RBMS3: variants seen among roughly 807,000 people sequenced by gnomAD.
The protein encoded by RBMS3 is RNA binding motif single stranded interacting protein 3.
A neutral mutation model predicts 66.8 loss-of-function variants in RBMS3; 27 were observed. The ratio of observed to expected loss-of-function variants is 0.40; its 90% confidence interval spans 0.30 to 0.56. The LOEUF (loss-of-function observed/expected upper bound fraction) is 0.56. Ranked by LOEUF, RBMS3 falls within the 20% of genes least tolerant of loss-of-function variation. The pLI is 0.40. For synonymous variants in RBMS3, 188 were observed against 183.0 expected (o/e 1.03, Z -0.22); for missense variants, 513 against 549.5 (o/e 0.93, Z 0.66).
At chr3:29,434,341 G>A (rs555968971) in intron 1 of RBMS3, among the ~76,000 whole-genome samples, 1 of 152,194 alleles carries the variant, frequency 6.6e-6, no homozygotes, top group Admixed American at 6.5e-5. Context: ...CAAGGTAATA[G>A]AGGGAAACCA....
intron 4 of RBMS3, among the ~76,000 whole-genome samples, chr3:29,705,235 G>C (rs1244690295): frequency 6.6e-6 from 1 of 152,162 alleles, no homozygotes; most frequent in African/African-American, 2.4e-5. Flanking sequence ...TTTAAATCCA[G>C]TATCACATAA....
chr3:29,397,468 G>C (rs975046355), intron 1 of RBMS3, among the ~76,000 whole-genome samples: 1 of 152,068 alleles, frequency 6.6e-6, no homozygotes, highest in Non-Finnish European at 1.5e-5. Flanking sequence ...AACGCTTACT[G>C]TGTTGAATGG....
intron 3 of RBMS3, among the ~76,000 whole-genome samples, chr3:29,533,485 A>ATGCCTT (rs919318934): frequency 2.0e-5 from 3 of 152,056 alleles, no homozygotes; most frequent in African/African-American, 7.2e-5. Flanking sequence ...CTATCTCAAA[A>ATGCCTT]TAAAAATAGG....
intron 2 of RBMS3, among the ~76,000 whole-genome samples, chr3:29,487,920 C>G (rs1477591054): frequency 6.6e-6 from 1 of 152,192 alleles, no homozygotes; most frequent in Admixed American, 6.5e-5. Flanking sequence ...CTTTTAACTA[C>G]TATATTACAT....
rs115133296 is a variant in RBMS3 at position 29,798,959 on chromosome 3, G to A, written c.637+35970G>A. 3.9e-3 allele frequency among the ~76,000 whole-genome samples: 499 copies of A among 127,192 alleles called. 1 individual carries two copies. The highest frequency in any genetic ancestry group is 5.4e-3 in the Non-Finnish European group (336 of 62,470). The allele number at this position is 127,192 out of a possible 152,430, so 83.4% of individuals were successfully genotyped here. A position where few individuals can be genotyped will look rare whatever the true frequency, so the allele number is the denominator to read the frequency against. On this transcript the variant is annotated intron_variant, in intron 6 of 14. Transcript: ENST00000383767. ...TTTTTTTTTTTTTTTGTAATCACAA[G>A]GGATTGTACAATGTAATCTTAATGT... is the stretch of plus-strand genomic sequence containing the variant.
intron 1 of RBMS3, among the ~76,000 whole-genome samples, chr3:29,324,737 C>G (rs2035218396): frequency 6.6e-6 from 1 of 151,366 alleles, no homozygotes; most frequent in South Asian, 2.1e-4. Flanking sequence ...GCTTTCTCTC[C>G]TAATTCTTTC....
intron 1 of RBMS3, among the ~76,000 whole-genome samples, chr3:29,362,487 C>T (rs112790917): frequency 0.079 from 11,986 of 152,228 alleles, 625 homozygotes; most frequent in Non-Finnish European, 0.11. Context: ...ATAGGCTGCT[C>T]GGGGGTCAGG....
chr3:29,917,695 A>G (rs1001201354), intron 10 of RBMS3, among the ~76,000 whole-genome samples: 10 of 152,108 alleles, frequency 6.6e-5, no homozygotes, highest in Admixed American at 5.2e-4. Flanking sequence ...CACTAAACTA[A>G]TAGTGGATGC....
At chr3:29,791,853 TA>T (rs914188066) in intron 6 of RBMS3, among the ~76,000 whole-genome samples, 3 of 152,034 alleles carry the variant, frequency 2.0e-5, no homozygotes, top group Non-Finnish European at 4.4e-5. Context: ...GAGCATAAAA[TA>T]AAAAAAACTT....
At chr3:29,765,781 C>T (rs1354347572) in intron 6 of RBMS3, 1 of 152,746 alleles carries the variant, frequency 6.5e-6, no homozygotes, top group Non-Finnish European at 1.5e-5. Context: ...AAAGACACAT[C>T]CAAGACTGGG....
chr3:29,350,998 A>ATG (rs1339673933), intron 1 of RBMS3, among the ~76,000 whole-genome samples: 2 of 151,844 alleles, frequency 1.3e-5, no homozygotes, highest in African/African-American at 4.9e-5. Flanking sequence ...AGAAAATATT[A>ATG]TGTGTATATA....
chr3:29,907,267 A>G (rs1334989238), intron 10 of RBMS3, among the ~76,000 whole-genome samples: 1 of 152,110 alleles, frequency 6.6e-6, no homozygotes, highest in Admixed American at 6.6e-5. Context: ...ATTGTTTTCA[A>G]TCGAATATTT....
chr3:29,688,728 G>A (rs1442924156), intron 4 of RBMS3, among the ~76,000 whole-genome samples: 8 of 151,182 alleles, frequency 5.3e-5, no homozygotes, highest in South Asian at 4.2e-4. Flanking sequence ...GACTACAAGC[G>A]GATGCCATCA....
intron 1 of RBMS3, among the ~76,000 whole-genome samples, chr3:29,303,388 T>G (rs1159960604): frequency 6.6e-6 from 1 of 152,046 alleles, no homozygotes; most frequent in Non-Finnish European, 1.5e-5. Flanking sequence ...TGAAGTGTGG[T>G]GCTTGGCATC....
intron 2 of RBMS3, among the ~76,000 whole-genome samples, chr3:29,440,543 C>A (rs987260945): frequency 1.3e-5 from 2 of 152,188 alleles, no homozygotes; most frequent in African/African-American, 2.4e-5. Context: ...TAAATGTTTT[C>A]TTTGCTCAAG....
intron 1 of RBMS3, among the ~76,000 whole-genome samples, chr3:29,333,809 T>C (rs185343310): frequency 6.6e-6 from 1 of 152,308 alleles, no homozygotes; most frequent in East Asian, 1.9e-4. Flanking sequence ...TAGGCTATGA[T>C]TTTTGATATG....
chr3:29,969,333 C>T (rs1202370951), intron 12 of RBMS3, among the ~76,000 whole-genome samples: 1 of 152,148 alleles, frequency 6.6e-6, no homozygotes, highest in East Asian at 1.9e-4. Flanking sequence ...TCCCCAACCA[C>T]AAAGAACAGT....
intron 1 of RBMS3, among the ~76,000 whole-genome samples, chr3:29,347,923 T>C (rs1276060806): frequency 1.3e-5 from 2 of 152,230 alleles, no homozygotes; most frequent in African/African-American, 4.8e-5. Flanking sequence ...CACATTAATA[T>C]ACTCAATAAA....
At chr3:29,641,237 C>A (rs2049696763) in intron 4 of RBMS3, 1 of 151,926 alleles carries the variant, frequency 6.6e-6, no homozygotes, top group South Asian at 2.1e-4. Context: ...TTCCCTGTTA[C>A]TAAATATTGT....
Sources: gnomAD v4.1 joint callset for allele counts (sites outside exome capture counted in the v4.1 genomes callset) on GRCh38, gnomAD v4.1.1 for gene constraint, MANE v1.5 for transcripts, NCBI Gene and HGNC (gene_info 2026-07-23, HGNC 2026-07-21) for gene names.